EPB41L3: variants seen among roughly 807,000 people sequenced by gnomAD.
EPB41L3 encodes band 4.1-like protein 3.
In EPB41L3, 57 loss-of-function variants were observed where a neutral mutation model predicts 127.1. The observed-to-expected ratio is 0.45, with a 90% CI of 0.36 to 0.56. EPB41L3 has a LOEUF of 0.56. Ranked by LOEUF, EPB41L3 falls within the 20% of genes least tolerant of loss-of-function variation. The pLI, the probability that EPB41L3 is intolerant of heterozygous loss-of-function variation, is 0.00. For synonymous variants in EPB41L3, 572 were observed against 549.5 expected (o/e 1.04, Z -0.57); for missense variants, 1,273 against 1,372.2 (o/e 0.93, Z 1.14).
At chr18:5,491,307 A>G (rs965439732) in intron 1 of EPB41L3, among the ~76,000 whole-genome samples, 1 of 151,778 alleles carries the variant, frequency 6.6e-6, no homozygotes, top group African/African-American at 2.4e-5. Flanking sequence ...TGACCCACCT[A>G]CTCTGGACTG....
At chr18:5,492,655 C>T (rs2090734500) in intron 1 of EPB41L3, among the ~76,000 whole-genome samples, 1 of 152,172 alleles carries the variant, frequency 6.6e-6, no homozygotes, top group African/African-American at 2.4e-5. Context: ...AAATCCCAAA[C>T]AGAAAGTGAG....
In EPB41L3 at chr18:5,510,858, T is replaced by C. The variant is rs192801324; in HGVS notation, c.-11-21664A>G. ...TTTTATCTGGTAAAATCATTAAGTC[T>C]ACATCAATATTTTTACCTTAAAAGC... On this transcript the variant is annotated intron_variant, in intron 1 of 22. Coordinates refer to ENST00000341928, the MANE Select transcript of EPB41L3 (RefSeq NM_012307.5). Among the ~76,000 whole-genome samples the C allele has an allele frequency of 3.5e-3, 534 of 152,276 alleles. 22 individuals carry two copies. Among genetic ancestry groups the C allele is most frequent in the Admixed American group, 0.03 (452 of 15,306 alleles).
chr18:5,507,242 CACAT>C (rs2092268003), intron 1 of EPB41L3, among the ~76,000 whole-genome samples: 2 of 152,072 alleles, frequency 1.3e-5, no homozygotes, highest in South Asian at 4.1e-4. Context: ...CAAACACACA[CACAT>C]ACAGAGCAAT....
intron 1 of EPB41L3, among the ~76,000 whole-genome samples, chr18:5,506,629 G>A (rs1209784762): frequency 6.6e-6 from 1 of 152,058 alleles, no homozygotes; most frequent in Admixed American, 6.5e-5. Context: ...TCCCATCAGA[G>A]GCTCTAAGCC....
intron 1 of EPB41L3, among the ~76,000 whole-genome samples, chr18:5,499,957 A>T (rs983264553): frequency 6.6e-6 from 1 of 152,002 alleles, no homozygotes; most frequent in African/African-American, 2.4e-5. Flanking sequence ...GAAACAAAAA[A>T]TAAACGCTCA....
chr18:5,579,518 A>G (rs2094370817), intron 3 of EPB41L3, among the ~76,000 whole-genome samples: 1 of 152,230 alleles, frequency 6.6e-6, no homozygotes, highest in South Asian at 2.1e-4. Flanking sequence ...AAAACAACAA[A>G]TCAACATAAA....
At chr18:5,605,235 C>T (rs2094637728) in intron 3 of EPB41L3, among the ~76,000 whole-genome samples, 1 of 152,116 alleles carries the variant, frequency 6.6e-6, no homozygotes, top group South Asian at 2.1e-4. Flanking sequence ...TGCTTTCTTC[C>T]TTAGTAATGA....
intron 9 of EPB41L3, among the ~76,000 whole-genome samples, chr18:5,427,743 T>G (rs1025256356): frequency 6.6e-6 from 1 of 152,112 alleles, no homozygotes; most frequent in African/African-American, 2.4e-5. Context: ...TTATTAATGA[T>G]ACTGGAATTT....
chr18:5,519,436 A>C (rs912452851), intron 1 of EPB41L3, among the ~76,000 whole-genome samples: 1 of 152,218 alleles, frequency 6.6e-6, no homozygotes. Context: ...TTCTCAAAGA[A>C]AATAGTCACT....
chr18:5,440,530 G>T (rs930495616), intron 5 of EPB41L3, among the ~76,000 whole-genome samples: 7 of 152,142 alleles, frequency 4.6e-5, no homozygotes, highest in African/African-American at 1.7e-4. Context: ...GAGGGCCCTA[G>T]TTAGAAAGAG....
At chr18:5,427,831 C>T (rs1395010714) in intron 9 of EPB41L3, among the ~76,000 whole-genome samples, 4 of 151,974 alleles carry the variant, frequency 2.6e-5, no homozygotes, top group African/African-American at 4.8e-5. Flanking sequence ...CTGCAAGCTC[C>T]GCCCCCTGGG....
At chr18:5,475,232 TAAG>T (rs2086937377) in intron 3 of EPB41L3, among the ~76,000 whole-genome samples, 2 of 152,220 alleles carry the variant, frequency 1.3e-5, no homozygotes, top group Admixed American at 1.3e-4. Flanking sequence ...GACCATTTAT[TAAG>T]AATATGCCAC....
rs145534129 is a variant in EPB41L3, at chr18:5,588,064, T to C, written c.-306+24276A>G. Reference sequence around the variant, plus strand: ...TGAAGGCAACACAATTTTAAATAAATATAAGGTACTACCTCATACCTACTG... The same window carrying C: ...TGAAGGCAACACAATTTTAAATAAACATAAGGTACTACCTCATACCTACTG... On this transcript the variant is annotated intron_variant, in intron 3 of 21. Coordinates refer to the EPB41L3 transcript ENST00000545076. Among the ~76,000 whole-genome samples the C allele has an allele frequency of 3.5e-4, 53 of 152,280 alleles. 1 individual carries two copies. The East Asian group carries it at 0.01, about 29-fold the overall frequency.
Position 5,588,457 on chromosome 18 carries a change from T to C in EPB41L3, c.-306+23883A>G, listed in dbSNP as rs151005578. On this transcript the variant is annotated intron_variant, in intron 3 of 21. Coordinates refer to the EPB41L3 transcript ENST00000545076. ...ATACATATTAAACACAATACATATTTAAAAATATTTTAAATGTCATATATA... is the reference window on the plus strand; with the variant it reads ...ATACATATTAAACACAATACATATTCAAAAATATTTTAAATGTCATATATA... Among the ~76,000 whole-genome samples the C allele has an allele frequency of 4.2e-3, 635 of 152,016 alleles. 7 individuals are homozygous for C. Among genetic ancestry groups the C allele is most frequent in the African/African-American group, 0.014 (599 of 41,492 alleles).
At chr18:5,593,712 A>T (rs1218759746) in intron 3 of EPB41L3, among the ~76,000 whole-genome samples, 2 of 152,120 alleles carry the variant, frequency 1.3e-5, no homozygotes, top group Admixed American at 6.5e-5. Context: ...GCCTTATTTC[A>T]TCCCTAAGGT....
At position 5,543,701 on chromosome 18, in the gene EPB41L3, G is replaced by A. The variant is rs1389331579; in HGVS notation, c.-12+212C>T. ...GGCGGGGGGCGCGGCGCGCAGGCTC[G>A]GCCCGGTGGGGGTCCCGGCGAGCGG... is the stretch of plus-strand genomic sequence containing the variant. On this transcript the variant is annotated intron_variant, in intron 1 of 22. Coordinates refer to ENST00000341928, the MANE Select transcript of EPB41L3 (RefSeq NM_012307.5). This position sits in a 1 kb window ranked among gnomAD's most constrained non-coding sequence, Gnocchi z 5.2. 2.7e-5 allele frequency among the ~76,000 whole-genome samples: 4 copies of A among 146,776 alleles called. No homozygotes were observed. Among genetic ancestry groups the A allele is most frequent in the Admixed American group, 2.0e-4 (3 of 14,848 alleles).
intron 1 of EPB41L3, chr18:5,528,924 T>G (rs531540324): frequency 6.6e-6 from 1 of 152,320 alleles, no homozygotes; most frequent in East Asian, 1.9e-4. Flanking sequence ...AATTAACCAT[T>G]GGATTGAACT....
At chr18:5,438,471 T>G (rs2080193416) in intron 5 of EPB41L3, among the ~76,000 whole-genome samples, 1 of 152,216 alleles carries the variant, frequency 6.6e-6, no homozygotes, top group Non-Finnish European at 1.5e-5. Context: ...GCTGCGAATT[T>G]CTGCATAGCT....
intron 14 of EPB41L3, among the ~76,000 whole-genome samples, chr18:5,408,427 C>G (rs929932259): frequency 6.6e-6 from 1 of 151,766 alleles, no homozygotes; most frequent in African/African-American, 2.4e-5. Flanking sequence ...GCGCCTGCCA[C>G]CATGCCTAGC....
Sources: gnomAD v4.1 joint callset for allele counts (sites outside exome capture counted in the v4.1 genomes callset) on GRCh38, gnomAD v4.1.1 for gene constraint, Gnocchi (gnomAD v3.1) non-coding constraint, MANE v1.5 for transcripts, NCBI Gene and HGNC (gene_info 2026-07-23, HGNC 2026-07-21) for gene names.